EDIL3: variants seen among roughly 807,000 people sequenced by gnomAD.
EDIL3 encodes the protein EGF like and discoidin domains 3.
EDIL3 carries 37 observed loss-of-function variants against 67.4 expected under a neutral mutation model. The ratio of observed to expected loss-of-function variants is 0.55; its 90% confidence interval spans 0.42 to 0.72. EDIL3 has a LOEUF of 0.72. EDIL3 is among the 30% of genes least tolerant of loss of function. The pLI is 0.00. For missense variants in EDIL3, 527 were observed against 586.3 expected (o/e 0.90, Z 1.04); for synonymous variants, 195 against 196.3 (o/e 0.99, Z 0.05).
In EDIL3 at chr5:84,319,255, G is replaced by A. The variant is rs1746576585; in HGVS notation, c.68-65043C>T. ...TGGGAGGCCGAGGCGGGCGGATCAC[G>A]AGGTCAGGAGATCGAGACCACGGTG... On this transcript the variant is annotated intron_variant, in intron 1 of 10. Transcript: ENST00000296591. 3.7e-5 allele frequency among the ~76,000 whole-genome samples: 3 copies of A among 80,356 alleles called. 1 individual carries two copies. In the South Asian group the frequency reaches 1.5e-3, roughly 40 times the overall value. The allele number at this position is 80,356 out of a possible 152,430, so 52.7% of individuals were successfully genotyped here. A position where few individuals can be genotyped will look rare whatever the true frequency, so the allele number is the denominator to read the frequency against.
rs906467845 is a variant in EDIL3, at chr5:83,976,738, C to G, written c.1138-13378G>C. Among the ~76,000 whole-genome samples, 8 of 151,620 alleles carry G rather than the reference C, an allele frequency of 5.3e-5. No homozygotes were observed. The South Asian group carries it at 1.7e-3, about 32-fold the overall frequency. On this transcript the variant is annotated intron_variant, in intron 9 of 10. Transcript: ENST00000296591. ...TTCTCCCCACCAAGTATACTCAATC[C>G]TAAATTGTTTATTGTGCCCTTGCTT... is the stretch of plus-strand genomic sequence containing the variant.
At chr5:84,306,424 A>AT (rs1028787856) in intron 1 of EDIL3, among the ~76,000 whole-genome samples, 2 of 152,246 alleles carry the variant, frequency 1.3e-5, no homozygotes, top group African/African-American at 4.8e-5. Flanking sequence ...ACTGGTAAAT[A>AT]TTATTGTTAT....
At chr5:84,138,626 A>G (rs919685400) in intron 4 of EDIL3, among the ~76,000 whole-genome samples, 1 of 152,202 alleles carries the variant, frequency 6.6e-6, no homozygotes, top group Non-Finnish European at 1.5e-5. Flanking sequence ...AACAAGGAAA[A>G]AAGTATTTGA....
chr5:84,081,788 AC>A (rs1262892663), intron 6 of EDIL3, among the ~76,000 whole-genome samples: 2 of 152,226 alleles, frequency 1.3e-5, no homozygotes, highest in African/African-American at 4.8e-5. Context: ...TGCTGTTGAA[AC>A]ATTTTAAGGA....
intron 1 of EDIL3, among the ~76,000 whole-genome samples, chr5:84,337,461 T>C (rs1227121396): frequency 6.6e-6 from 1 of 152,166 alleles, no homozygotes; most frequent in Non-Finnish European, 1.5e-5. Context: ...AGGTAACTAA[T>C]AATAAAAATT....
chr5:84,178,175 A>G (rs919225962), intron 4 of EDIL3, among the ~76,000 whole-genome samples: 27 of 152,194 alleles, frequency 1.8e-4, no homozygotes, highest in African/African-American at 6.3e-4. Flanking sequence ...GGCTATTCAA[A>G]GCCTTATGTA....
intron 9 of EDIL3, among the ~76,000 whole-genome samples, chr5:83,993,052 C>A (rs1745177651): frequency 1.3e-5 from 2 of 151,986 alleles, no homozygotes; most frequent in African/African-American, 4.8e-5. Context: ...AAGAGAAAAT[C>A]TTAAAATAGT....
chr5:84,103,113 A>G (rs867003101), intron 6 of EDIL3, among the ~76,000 whole-genome samples: 1 of 152,124 alleles, frequency 6.6e-6, no homozygotes, highest in African/African-American at 2.4e-5. Flanking sequence ...AAAACAAGCT[A>G]TGGGGAAAGA....
At chr5:84,340,334 A>G (rs1055947494) in intron 1 of EDIL3, among the ~76,000 whole-genome samples, 12 of 151,586 alleles carry the variant, frequency 7.9e-5, no homozygotes, top group African/African-American at 2.9e-4. Context: ...AAGTTATTTA[A>G]CCCTGCAGTA....
At chr5:84,182,301 AC>A (rs1749027364) in intron 3 of EDIL3, among the ~76,000 whole-genome samples, 1 of 151,370 alleles carries the variant, frequency 6.6e-6, no homozygotes, top group African/African-American at 2.4e-5. Flanking sequence ...ACACACACAC[AC>A]ACACAAATCC....
chr5:84,335,416 A>C (rs141764313), intron 1 of EDIL3, among the ~76,000 whole-genome samples: 78 of 152,068 alleles, frequency 5.1e-4, no homozygotes, highest in Non-Finnish European at 9.4e-4. Context: ...CATATCCTCC[A>C]TTTTTATCCC....
chr5:84,314,621 A>G (rs1746473339), intron 1 of EDIL3, among the ~76,000 whole-genome samples: 1 of 152,198 alleles, frequency 6.6e-6, no homozygotes, highest in African/African-American at 2.4e-5. Flanking sequence ...CTTCCTTCCA[A>G]AACACGTTGA....
intron 3 of EDIL3, among the ~76,000 whole-genome samples, chr5:84,218,185 T>C (rs1295240031): frequency 1.3e-5 from 2 of 152,232 alleles, no homozygotes; most frequent in Non-Finnish European, 2.9e-5. Context: ...ATGTGAATGG[T>C]TATTCTCTAA....
chr5:84,144,911 T>C (rs1748266934), intron 4 of EDIL3, among the ~76,000 whole-genome samples: 1 of 152,134 alleles, frequency 6.6e-6, no homozygotes, highest in African/African-American at 2.4e-5. Context: ...AACCCCAAAC[T>C]GGCTTAGGTG....
chr5:84,018,132 C>T (rs963553931), intron 9 of EDIL3, among the ~76,000 whole-genome samples: 9 of 152,124 alleles, frequency 5.9e-5, no homozygotes, highest in South Asian at 2.1e-4. Flanking sequence ...CTTCTTGTTC[C>T]GGGAACTCTT....
intron 1 of EDIL3, among the ~76,000 whole-genome samples, chr5:84,279,486 C>T (rs1226313266): frequency 6.6e-6 from 1 of 152,074 alleles, no homozygotes; most frequent in East Asian, 1.9e-4. Flanking sequence ...TTTGCTAAAC[C>T]CAAAATAGCT....
At chr5:84,257,844 A>G (rs1364534494) in intron 1 of EDIL3, among the ~76,000 whole-genome samples, 1 of 152,156 alleles carries the variant, frequency 6.6e-6, no homozygotes, top group African/African-American at 2.4e-5. Context: ...ATGAGAGCAA[A>G]GAGAAACGAA....
At chr5:84,281,053 G>A (rs992262050) in intron 1 of EDIL3, among the ~76,000 whole-genome samples, 26 of 151,786 alleles carry the variant, frequency 1.7e-4, no homozygotes, top group Admixed American at 1.4e-3. Flanking sequence ...TGAGAACAGT[G>A]GTTGGCACAT....
chr5:84,065,319 G>A (rs10473882), intron 7 of EDIL3, among the ~76,000 whole-genome samples: 57,813 of 151,880 alleles, frequency 0.38, 12,553 homozygotes, highest in African/African-American at 0.61. Context: ...TGAAGATTAT[G>A]TCTTCATCAA....
Sources: gnomAD v4.1 joint callset for allele counts (sites outside exome capture counted in the v4.1 genomes callset) on GRCh38, gnomAD v4.1.1 for gene constraint, MANE v1.5 for transcripts, NCBI Gene and HGNC (gene_info 2026-07-23, HGNC 2026-07-21) for gene names.